Variants in ZNF814 observed in about 807,000 individuals in gnomAD.
The protein encoded by ZNF814 is zinc finger protein 814.
In ZNF814, 5 loss-of-function variants were observed where a neutral mutation model predicts 7.5. The observed-to-expected ratio is 0.67, with a 90% CI of 0.35 to 1.40. The LOEUF (loss-of-function observed/expected upper bound fraction) is 1.40, where lower values mean the gene tolerates loss of function less well. Ranked by LOEUF, ZNF814 falls within the 40% of genes most tolerant of loss-of-function variation. ZNF814 has a pLI of 0.04. For missense variants in ZNF814, 962 were observed against 1,018.0 expected (o/e 0.94, Z 0.75); for synonymous variants, 315 against 340.7 (o/e 0.92, Z 0.83).
the ZNF814 span, among the ~76,000 whole-genome samples, chr19:57,904,766 C>T: frequency 6.6e-6 from 1 of 151,764 alleles, no homozygotes; most frequent in Non-Finnish European, 1.5e-5. Flanking sequence ...AAAGCCCAGG[C>T]ATCGCCGGGA....
chr19:57,875,889 T>C (rs946221471), intron 2 of ZNF814, among the ~76,000 whole-genome samples: 1 of 150,642 alleles, frequency 6.6e-6, no homozygotes, highest in Non-Finnish European at 1.5e-5. Context: ...ATAGAACAGG[T>C]TGTTGGTATG....
At chr19:57,879,466 A>G (rs2071634924) in intron 1 of ZNF814, among the ~76,000 whole-genome samples, 1 of 148,724 alleles carries the variant, frequency 6.7e-6, no homozygotes, top group African/African-American at 2.5e-5. Context: ...GAATGCCAAT[A>G]ATGTCCGCCA....
At chr19:57,876,592 T>C in intron 2 of ZNF814, 1 of 422,768 alleles carries the variant, frequency 2.4e-6, no homozygotes, top group Non-Finnish European at 4.2e-6. Flanking sequence ...CATAAGAAAA[T>C]AGCAGCTAGA....
chr19:57,873,364 T>C lies in ZNF814; in HGVS notation c.2026A>G (p.Ile676Val). Residue 676 changes from isoleucine to valine, a missense_variant, in exon 3 of 3, where the codon ATT becomes GTT. Around this residue, in one of 7 missense-constraint regions of ZNF814, gnomAD observed 665 missense variants for 551.4 expected, o/e 1.21. Transcript: ENST00000435989. Reference sequence around the variant, plus strand: ...CCAGTATGGCCATGCTGGTGTAGAATGAGGTTACCCTTGTGACTAAAACAT... The same window carrying C: ...CCAGTATGGCCATGCTGGTGTAGAACGAGGTTACCCTTGTGACTAAAACAT... The part of the protein sequence containing the change: ...GKCFSHKGNL[I>V]LHQHGHTGER... 8 of 1,601,268 alleles carry C rather than the reference T, an allele frequency of 5.0e-6. No homozygotes were observed. Among genetic ancestry groups the C allele is most frequent in the Non-Finnish European group, 6.8e-6 (8 of 1,173,628 alleles).
Position 57,872,882 on chromosome 19 carries a change from T to A in ZNF814, c.2508A>T (p.Leu836Phe), listed in dbSNP as rs2071567547. Residue 836 changes from leucine (L) to phenylalanine (F), a missense_variant, in exon 3 of 3, where the codon TTA (leucine) becomes TTT (phenylalanine). Around this residue, in one of 7 missense-constraint regions of ZNF814, gnomAD observed 665 missense variants for 551.4 expected, o/e 1.21. Transcript: ENST00000435989. ...CAAGGAGGTGAGACTTCTTGTTAAATAATTTCCCACATTTCTCACATTTAT... is the reference window on the plus strand; with the variant it reads ...CAAGGAGGTGAGACTTCTTGTTAAAAAATTTCCCACATTTCTCACATTTAT... ...KPYKCEKCGK[L>F]FNKKSHLLVH... is the part of the protein sequence containing the mutation. 1.2e-6 allele frequency: 2 copies of A among 1,612,732 alleles called. No homozygotes were observed. The highest frequency in any genetic ancestry group is 1.7e-5 in the Admixed American group (1 of 59,800).
the ZNF814 span, among the ~76,000 whole-genome samples, chr19:57,901,214 G>T: frequency 6.6e-6 from 1 of 152,150 alleles, no homozygotes; most frequent in Non-Finnish European, 1.5e-5. Context: ...ACAAGAGATA[G>T]TTGAAAGAGC....
At chr19:57,886,540 C>T (rs1008287704) in intron 1 of ZNF814, among the ~76,000 whole-genome samples, 4 of 151,892 alleles carry the variant, frequency 2.6e-5, no homozygotes, top group Admixed American at 1.3e-4. Context: ...TTGTATTTCA[C>T]AGGGCACTCT....
At chr19:57,896,020 A>T in the ZNF814 span, among the ~76,000 whole-genome samples, 1 of 152,228 alleles carries the variant, frequency 6.6e-6, no homozygotes. The surrounding 1 kb of genome is among the most constrained non-coding windows in gnomAD (Gnocchi z 4.2). Context: ...CAAAATTTTA[A>T]GGAAATTGAA....
chr19:57,904,480 G>A, the ZNF814 span, among the ~76,000 whole-genome samples: 8 of 152,044 alleles, frequency 5.3e-5, no homozygotes, highest in South Asian at 4.1e-4. Context: ...TGCCTCCACC[G>A]GTCCCATGCC....
the ZNF814 span, among the ~76,000 whole-genome samples, chr19:57,898,509 A>C: frequency 6.6e-6 from 1 of 152,218 alleles, no homozygotes; most frequent in African/African-American, 2.4e-5. Context: ...TTGTTTGGTT[A>C]ACTGCCAAAC....
At position 57,873,543 on chromosome 19, in the gene ZNF814, T is replaced by C; in HGVS notation, c.1847A>G (p.Lys616Arg). Residue 616 changes from lysine (K) to arginine (R), a missense_variant, in exon 3 of 3, where the codon AAG becomes AGG. Transcript: ENST00000435989. Reference sequence around the variant, plus strand: ...GCGCTGATGGTGAACAAGGCTGCGCTTATGACTAAAAGATTTCCCACATTC... The same window carrying C: ...GCGCTGATGGTGAACAAGGCTGCGCCTATGACTAAAAGATTTCCCACATTC... ...CGECGKSFSH[K>R]RSLVHHQRMH... 6.2e-7 allele frequency: 1 copy of C among 1,614,140 alleles called. No homozygotes were observed. Among genetic ancestry groups the C allele is most frequent in the African/African-American group, 1.3e-5 (1 of 75,046 alleles).
upstream of ZNF814, among the ~76,000 whole-genome samples, chr19:57,893,813 G>C (rs549093609): frequency 6.6e-6 from 1 of 151,856 alleles, no homozygotes; most frequent in South Asian, 2.1e-4. Context: ...CCAGCTACTC[G>C]GGAGGCTGAG....
At position 57,873,822 on chromosome 19, in the gene ZNF814, CCA is replaced by C; in HGVS notation, c.1566_1567del (p.Cys522TrpfsTer8). ...TGAACTAAATGATTTCCCACATTCT[CCA>C]CACTCATAAGGTCTTGCTCCAGTGT... On this transcript the variant is annotated frameshift_variant, in exon 3 of 3. Transcript: ENST00000435989. LOFTEE classifies it low-confidence loss of function (END_TRUNC). The C allele has an allele frequency of 1.2e-6, 2 of 1,614,042 alleles. No individual in the cohort carries two copies. The highest frequency in any genetic ancestry group is 1.7e-6 in the Non-Finnish European group (2 of 1,179,994).
the ZNF814 span, among the ~76,000 whole-genome samples, chr19:57,896,067 G>A: frequency 1.3e-5 from 2 of 151,380 alleles, no homozygotes; most frequent in African/African-American, 2.4e-5. This position sits in a 1 kb window ranked among gnomAD's most constrained non-coding sequence, Gnocchi z 4.2. Flanking sequence ...GAAATTTTAC[G>A]TTTGCACAGA....
Position 57,874,484 on chromosome 19 carries a change from C to T in ZNF814, c.906G>A (p.Gly302=), listed in dbSNP as rs2071587911. 2 of 462,536 alleles carry T rather than the reference C, an allele frequency of 4.3e-6. No homozygotes were observed. Among genetic ancestry groups the T allele is most frequent in the Admixed American group, 1.0e-4 (2 of 19,116 alleles). The allele number at this position is 462,536 out of a possible 1,614,324, so 28.7% of individuals were successfully genotyped here. A position where few individuals can be genotyped will look rare whatever the true frequency, so the allele number is the denominator to read the frequency against. Residue 302 remains glycine, a synonymous_variant, in exon 3 of 3, where the codon GGG becomes GGA. Transcript: ENST00000435989. ...AGCTAACATATTTGCTAAAGGATTT[C>T]CCACATTCTCCACATTCATGTTTTT... The part of the protein sequence containing the change: ...TEKKHECGEC[G]KSFSKYVSFS...
At chr19:57,892,770 T>G (rs1048947291), upstream of ZNF814, among the ~76,000 whole-genome samples, 1 of 152,246 alleles carries the variant, frequency 6.6e-6, no homozygotes, top group African/African-American at 2.4e-5. Flanking sequence ...CTGGCCTCTC[T>G]AAGCTCCTGG....
chr19:57,885,984 A>G (rs2071689751), intron 1 of ZNF814: 2 of 151,514 alleles, frequency 1.3e-5, no homozygotes, highest in Admixed American at 1.3e-4. Context: ...TCAAAAAAAA[A>G]AAAACAAAAA....
At chr19:57,898,554 A>G in the ZNF814 span, among the ~76,000 whole-genome samples, 895 of 152,326 alleles carry the variant, frequency 5.9e-3, 11 homozygotes, top group African/African-American at 0.02. Context: ...TGAAACAGGA[A>G]AAAACTGGAG....
chr19:57,874,955 C>A lies in ZNF814; in HGVS notation c.435G>T (p.Glu145Asp), dbSNP rs1387060129. The A allele has an allele frequency of 6.2e-7, 1 of 1,612,892 alleles. No homozygotes were observed. The highest frequency in any genetic ancestry group is 1.3e-5 in the African/African-American group (1 of 74,862). The change falls in exon 3 of 3, where the codon GAG becomes GAT. Residue 145 changes from glutamate (E) to aspartate (D), a missense_variant. Physicochemically the swap from Glu to Asp is conservative, Grantham distance 45. Coordinates refer to ENST00000435989, the MANE Select transcript of ZNF814 (RefSeq NM_001144989.2). Reference protein sequence around the residue: ...FHQHQNEHIGEKPYRGSVEEA... With the variant: ...FHQHQNEHIGDKPYRGSVEEA... ...CCTCAACACTCCCTCTGTAGGGTTT[C>A]TCTCCAATGTGCTCATTCTGGTGCT...
Sources: gnomAD v4.1 joint callset for allele counts (sites outside exome capture counted in the v4.1 genomes callset) on GRCh38, gnomAD v4.1.1 for gene constraint, gnomAD v4.1.1 regional missense constraint, Gnocchi (gnomAD v3.1) non-coding constraint, MANE v1.5 for transcripts, NCBI Gene and HGNC (gene_info 2026-07-23, HGNC 2026-07-21) for gene names.